The following SHTN1 variants were observed in gnomAD, a reference collection of about 807,000 sequenced individuals.
SHTN1 encodes shootin 1, also known as shootin-1.
SHTN1 carries 42 observed loss-of-function variants against 83.1 expected under a neutral mutation model. The ratio of observed to expected loss-of-function variants is 0.51; its 90% CI spans 0.39 to 0.65. The LOEUF (loss-of-function observed/expected upper bound fraction) is 0.65, where lower values mean the gene tolerates loss of function less well. Ranked by LOEUF, SHTN1 falls within the 30% of genes least tolerant of loss-of-function variation. The pLI is 0.00. For missense variants in SHTN1, 622 were observed against 737.8 expected, an observed-to-expected ratio of 0.84 and a Z score of 1.82; for synonymous variants, 224 against 247.7, an observed-to-expected ratio of 0.90 and a Z score of 0.90.
At chr10:117,084,763 A>G (rs1253169511) in intron 1 of SHTN1, among the ~76,000 whole-genome samples, 1 of 152,144 alleles carries the variant, frequency 6.6e-6, no homozygotes, top group Non-Finnish European at 1.5e-5. Context: ...AGCCCGTCGG[A>G]AAAGCGCAGT....
rs558176746 is a variant in SHTN1, at chr10:117,005,144, G to A, written c.-65C>T. 8 of 1,554,090 alleles carry A rather than the reference G, an allele frequency of 5.1e-6. No homozygotes were observed. The highest frequency in any genetic ancestry group is 7.0e-6 in the Non-Finnish European group (8 of 1,148,460). On this transcript the variant is annotated 5_prime_UTR_variant, in exon 1 of 17. Transcript: ENST00000355371. ...CGGCGCGGGGCACACAGGAGGAGGG[G>A]GAAGAAAAAGCAAGATGCCGGTGGC...
chr10:116,982,826 G>GCAGCA (rs1387227763), intron 1 of SHTN1, among the ~76,000 whole-genome samples: 18 of 152,222 alleles, frequency 1.2e-4, no homozygotes, highest in African/African-American at 4.3e-4. Context: ...GCCAGGTATG[G>GCAGCA]CAGCACACGC....
chr10:116,976,956 T>C (rs891423897), intron 2 of SHTN1, among the ~76,000 whole-genome samples: 4 of 152,210 alleles, frequency 2.6e-5, no homozygotes, highest in Non-Finnish European at 2.9e-5. Context: ...GTCATGAAAG[T>C]ATTAGGCCAT....
chr10:117,058,455 C>T (rs947491627), intron 1 of SHTN1, among the ~76,000 whole-genome samples: 28 of 152,026 alleles, frequency 1.8e-4, no homozygotes, highest in African/African-American at 6.8e-4. Flanking sequence ...TAAGTAAACA[C>T]AAATCAAAAG....
intron 3 of SHTN1, among the ~76,000 whole-genome samples, chr10:116,966,564 A>G (rs933356173): frequency 6.6e-5 from 10 of 152,238 alleles, no homozygotes; most frequent in Non-Finnish European, 1.5e-5. Flanking sequence ...AAACTATCAA[A>G]GTTATTCAGA....
chr10:116,893,998 A>G (rs1356285314), intron 16 of SHTN1, among the ~76,000 whole-genome samples: 9 of 152,234 alleles, frequency 5.9e-5, no homozygotes, highest in Admixed American at 3.3e-4. Context: ...GTTTCACATC[A>G]GAAATACTGA....
At chr10:117,037,570 A>G (rs1852516793) in intron 2 of SHTN1, among the ~76,000 whole-genome samples, 1 of 152,218 alleles carries the variant, frequency 6.6e-6, no homozygotes, top group South Asian at 2.1e-4. Context: ...GCTTATAAAG[A>G]GAGGCAAAAG....
At chr10:116,982,388 G>A (rs1851056881) in intron 1 of SHTN1, among the ~76,000 whole-genome samples, 1 of 152,080 alleles carries the variant, frequency 6.6e-6, no homozygotes, top group Non-Finnish European at 1.5e-5. Flanking sequence ...ATAAAACCAA[G>A]CTCACTACCA....
At chr10:116,930,082 T>C in intron 9 of SHTN1, 80 bp from the exon 10 acceptor site, 1 of 957,756 alleles carries the variant, frequency 1.0e-6, no homozygotes, top group East Asian at 2.6e-5. Flanking sequence ...AAAAAATAAA[T>C]ATTTCCCTTT....
intron 2 of SHTN1, among the ~76,000 whole-genome samples, chr10:117,022,242 A>G (rs1852273558): frequency 6.6e-6 from 1 of 152,212 alleles, no homozygotes; most frequent in South Asian, 2.1e-4. Context: ...ATTTTTTGAG[A>G]CTGTGCAGTT....
At chr10:116,935,311 T>C (rs1419359572) in intron 9 of SHTN1, among the ~76,000 whole-genome samples, 2 of 152,230 alleles carry the variant, frequency 1.3e-5, no homozygotes, top group Non-Finnish European at 2.9e-5. Flanking sequence ...TTGTCATAAA[T>C]AGCTCTTATT....
intron 16 of SHTN1, chr10:116,900,420 C>T: frequency 1.1e-6 from 1 of 909,106 alleles, no homozygotes; most frequent in Non-Finnish European, 1.7e-6. Flanking sequence ...ACATATTTTG[C>T]AGACCTTGGG....
Position 117,086,045 on chromosome 10 carries a change from T to A in SHTN1, c.-188-37535A>T, listed in dbSNP as rs1226477849. Among the ~76,000 whole-genome samples the A allele has an allele frequency of 2.6e-5, 4 of 151,078 alleles. No individual in the cohort carries two copies. In the Admixed American group the frequency reaches 2.7e-4, roughly 10 times the overall value. On this transcript the variant is annotated intron_variant, in intron 1 of 17. Coordinates refer to the SHTN1 transcript ENST00000392901. The stretch of plus-strand genomic sequence containing the variant: ...AAGCGATTCTCCTGCCTCAGCCTCC[T>A]GAGTAGCTGGCACTACAGGTGTGTG...
intron 1 of SHTN1, among the ~76,000 whole-genome samples, chr10:117,089,040 T>C (rs1395415335): frequency 6.6e-6 from 1 of 152,140 alleles, no homozygotes; most frequent in African/African-American, 2.4e-5. Flanking sequence ...GGCACATTAA[T>C]AGGGCTGTAC....
rs755653622 is a variant in SHTN1 at position 116,973,835 on chromosome 10, G to A, written c.112-5123C>T. ...TTTAAACATGCCCAGCATCAGAATT[G>A]TGTGTACTTTACCTGTTTACCTGTT... On this transcript the variant is annotated intron_variant, in intron 2 of 16. Coordinates refer to ENST00000355371, the MANE Select transcript of SHTN1 (RefSeq NM_001127211.3). The A allele has an allele frequency of 1.8e-5, 23 of 1,249,758 alleles. No homozygotes were observed. In the East Asian group the frequency reaches 1.0e-3, roughly 55 times the overall value. 77.4% of individuals were successfully genotyped at this position (1,249,758 alleles called of 1,614,324 possible). A position where few individuals can be genotyped will look rare whatever the true frequency, so the allele number is the denominator to read the frequency against.
At chr10:116,958,381 CA>C (rs1850059488) in intron 4 of SHTN1, among the ~76,000 whole-genome samples, 1 of 152,002 alleles carries the variant, frequency 6.6e-6, no homozygotes, top group South Asian at 2.1e-4. Flanking sequence ...ACTATATCTT[CA>C]AAAATAAACT....
intron 16 of SHTN1, among the ~76,000 whole-genome samples, chr10:116,887,394 C>T (rs941215187): frequency 6.6e-6 from 1 of 152,172 alleles, no homozygotes; most frequent in African/African-American, 2.4e-5. Flanking sequence ...GCAGCTGCAG[C>T]AGGCAGGGCT....
chr10:116,887,520 C>T (rs77616788), intron 16 of SHTN1, among the ~76,000 whole-genome samples: 1,903 of 152,212 alleles, frequency 0.013, 22 homozygotes, highest in Non-Finnish European at 0.02. Flanking sequence ...CTTGGTGTTC[C>T]GCCAGGTGCC....
intron 9 of SHTN1, among the ~76,000 whole-genome samples, chr10:116,936,135 T>G (rs1285170339): frequency 6.6e-6 from 1 of 152,174 alleles, no homozygotes; most frequent in African/African-American, 2.4e-5. Flanking sequence ...TTTACTGATT[T>G]TTTTGAAGGA....
Sources: gnomAD v4.1 joint callset for allele counts (sites outside exome capture counted in the v4.1 genomes callset) on GRCh38, gnomAD v4.1.1 for gene constraint, MANE v1.5 for transcripts, NCBI Gene and HGNC (gene_info 2026-07-23, HGNC 2026-07-21) for gene names.